Variants in FBXO25 observed in about 807,000 individuals in gnomAD.
The protein encoded by FBXO25 is F-box only protein 25.
A neutral mutation model predicts 51.9 loss-of-function variants in FBXO25; 45 were observed. The observed-to-expected ratio is 0.87, with a 90% CI of 0.68 to 1.11. The LOEUF (loss-of-function observed/expected upper bound fraction) is 1.11. FBXO25 is among the 50% of genes most tolerant of loss of function. FBXO25 has a pLI of 0.00. For missense variants in FBXO25, 507 were observed against 428.5 expected (o/e 1.18, Z -1.62); for synonymous variants, 199 against 151.0 (o/e 1.32, Z -2.33).
At position 474,791 on chromosome 8, in the gene FBXO25, A is replaced by G; in HGVS notation, c.*5987A>G. The G allele has an allele frequency of 2.2e-6, 1 of 454,204 alleles. No homozygotes were observed. The highest frequency in any genetic ancestry group is 4.4e-6 in the Non-Finnish European group (1 of 226,258). The allele number at this position is 454,204 out of a possible 1,614,324, so 28.1% of individuals were successfully genotyped here. A position where few individuals can be genotyped will look rare whatever the true frequency, so the allele number is the denominator to read the frequency against. On this transcript the variant is annotated 3_prime_UTR_variant, in exon 10 of 10. Coordinates refer to ENST00000350302, the MANE Select transcript of FBXO25 (RefSeq NM_183420.2). ...TAAAATACTTTGTCCCATTCCGTGG[A>G]TTGCCTTTCACTCTGTTTTGTTCTT...
rs760862328 is a variant in FBXO25, at chr8:413,138, A to G, written c.59A>G (p.Asp20Gly). The G allele has an allele frequency of 1.2e-6, 2 of 1,611,184 alleles. No homozygotes were observed. Among genetic ancestry groups the G allele is most frequent in the East Asian group, 2.2e-5 (1 of 44,708 alleles). Residue 20 changes from aspartate to glycine, a missense_variant, in exon 2 of 10, where the codon GAT (aspartate) becomes GGT (glycine). By Grantham distance (94) the Asp-to-Gly change is moderately conservative. Coordinates refer to ENST00000350302, the MANE Select transcript of FBXO25 (RefSeq NM_183420.2). ...SPGWSWIKTE[D>G]GWKRCESCSQ... Reference sequence around the variant, plus strand: ...GGATGGAGTTGGATTAAGACAGAAGATGGCTGGAAGAGATGTGAATCTTGT... The same window carrying G: ...GGATGGAGTTGGATTAAGACAGAAGGTGGCTGGAAGAGATGTGAATCTTGT...
intron 5 of FBXO25, among the ~76,000 whole-genome samples, chr8:442,019 C>T (rs943445757): frequency 6.6e-6 from 1 of 152,070 alleles, no homozygotes; most frequent in African/African-American, 2.4e-5. Context: ...AAAATAATGA[C>T]CTGGCAAATT....
chr8:447,312 C>T (rs1798800540), intron 5 of FBXO25, among the ~76,000 whole-genome samples: 2 of 152,078 alleles, frequency 1.3e-5, no homozygotes, highest in Admixed American at 6.5e-5. Context: ...GGAAGCTGCC[C>T]TTCCCCCAAC....
At chr8:414,845 G>T (rs147849067) in intron 2 of FBXO25, among the ~76,000 whole-genome samples, 2 of 152,116 alleles carry the variant, frequency 1.3e-5, no homozygotes, top group African/African-American at 4.8e-5. Flanking sequence ...ACCCCACCTA[G>T]TTGCTTTGCA....
intron 2 of FBXO25, among the ~76,000 whole-genome samples, chr8:426,238 T>G (rs752309859): frequency 6.6e-6 from 1 of 152,340 alleles, no homozygotes; most frequent in East Asian, 1.9e-4. Context: ...TCCTGGTCAC[T>G]GTACTTCCTG....
chr8:473,089 C>T lies in FBXO25; in HGVS notation c.*4285C>T, dbSNP rs1356534065. 6.6e-6 allele frequency: 1 copy of T among 152,480 alleles called. No homozygotes were observed. Among genetic ancestry groups the T allele is most frequent in the Non-Finnish European group, 1.5e-5 (1 of 68,220 alleles). 9.4% of individuals were successfully genotyped at this position (152,480 alleles called of 1,614,324 possible). On this transcript the variant is annotated 3_prime_UTR_variant, in exon 10 of 10. Coordinates refer to ENST00000350302, the MANE Select transcript of FBXO25 (RefSeq NM_183420.2). The stretch of plus-strand genomic sequence containing the variant: ...CTGACACCAGCATCCACCCTGCACT[C>T]ATATGTATCTCAACAGAATTGCTGC...
At position 469,201 on chromosome 8, in the gene FBXO25, C is replaced by T. The variant is rs141533847; in HGVS notation, c.*397C>T. The T allele has an allele frequency of 6.0e-6, 1 of 167,064 alleles. No homozygotes were observed. Among genetic ancestry groups the T allele is most frequent in the African/African-American group, 2.4e-5 (1 of 42,068 alleles). 10.3% of individuals were successfully genotyped at this position (167,064 alleles called of 1,614,324 possible). A position where few individuals can be genotyped will look rare whatever the true frequency, so the allele number is the denominator to read the frequency against. On this transcript the variant is annotated 3_prime_UTR_variant, in exon 10 of 10. Coordinates refer to ENST00000350302, the MANE Select transcript of FBXO25 (RefSeq NM_183420.2). ...TGGGAAACTAATTGGGGGTGGGTTA[C>T]AAAACATTTGATCCTTGTAAATACA...
chr8:407,302 G>A (rs1796211812), intron 1 of FBXO25: 1 of 962,514 alleles, frequency 1.0e-6, no homozygotes, highest in South Asian at 4.8e-5. Context: ...CGTCAGGTGG[G>A]GACGGGGTTG....
At chr8:408,457 G>T (rs559781776) in intron 1 of FBXO25, among the ~76,000 whole-genome samples, 2 of 152,194 alleles carry the variant, frequency 1.3e-5, no homozygotes, top group African/African-American at 2.4e-5. Flanking sequence ...TTGAATCCCA[G>T]CTCCACTGAA....
chr8:435,104 G>T (rs1266126882), intron 4 of FBXO25, among the ~76,000 whole-genome samples: 1 of 152,082 alleles, frequency 6.6e-6, no homozygotes, highest in Non-Finnish European at 1.5e-5. Flanking sequence ...TTCCAGCCTG[G>T]GCAGTGCATG....
chr8:462,641 AG>A, intron 8 of FBXO25, among the ~76,000 whole-genome samples: 1 of 152,334 alleles, frequency 6.6e-6, no homozygotes, highest in East Asian at 1.9e-4. Flanking sequence ...AAAATAACTT[AG>A]GAATGGAAAA....
chr8:451,163 G>A, intron 6 of FBXO25, 106 bp from the exon 7 acceptor site: 5 of 886,388 alleles, frequency 5.6e-6, no homozygotes, highest in South Asian at 3.6e-5. Context: ...ATCACACGTT[G>A]TTTGTCTGTT....
At chr8:420,904 C>T (rs183905883) in intron 2 of FBXO25, among the ~76,000 whole-genome samples, 2 of 152,336 alleles carry the variant, frequency 1.3e-5, no homozygotes, top group East Asian at 1.9e-4. Context: ...TCACTAAAAT[C>T]AACATAGATG....
chr8:432,915 C>A lies in FBXO25; in HGVS notation c.268C>A (p.His90Asn). The A allele has an allele frequency of 1.3e-6, 2 of 1,554,286 alleles. No individual in the cohort carries two copies. The highest frequency in any genetic ancestry group is 2.4e-5 in the East Asian group (1 of 41,950). ...TTATCGTGAAAAATGGATCTATGTCCATAAAGAAAGCACAAAGGAAGTAAG... is the reference window on the plus strand; with the variant it reads ...TTATCGTGAAAAATGGATCTATGTCAATAAAGAAAGCACAAAGGAAGTAAG... ...SFYREKWIYV[H>N]KESTKERHGY... Residue 90 changes from histidine (H) to asparagine (N), a missense_variant, in exon 4 of 10, where the codon CAT becomes AAT. His to Asn is a moderately conservative substitution (Grantham distance 68). Coordinates refer to ENST00000350302, the MANE Select transcript of FBXO25 (RefSeq NM_183420.2).
chr8:432,790 A>G, intron 3 of FBXO25, 96 bp from the exon 4 acceptor site: 1 of 1,344,152 alleles, frequency 7.4e-7, no homozygotes, highest in Non-Finnish European at 9.8e-7. Flanking sequence ...TAAGTCAGAT[A>G]ATTTTGTTAA....
intron 5 of FBXO25, among the ~76,000 whole-genome samples, chr8:439,637 A>G (rs1002927604): frequency 6.6e-6 from 1 of 152,068 alleles, no homozygotes; most frequent in African/African-American, 2.4e-5. Context: ...GGTCTCTCTT[A>G]TCTTTATTCA....
intron 2 of FBXO25, among the ~76,000 whole-genome samples, chr8:425,174 C>G (rs1585024012): frequency 6.6e-6 from 1 of 151,808 alleles, no homozygotes; most frequent in East Asian, 1.9e-4. Context: ...TACTTCATCT[C>G]CCCAAAAATA....
At chr8:416,630 A>G (rs2117456756) in intron 2 of FBXO25, among the ~76,000 whole-genome samples, 1 of 152,186 alleles carries the variant, frequency 6.6e-6, no homozygotes, top group East Asian at 1.9e-4. Flanking sequence ...TTCCTTGGAA[A>G]TGGAATGGGC....
chr8:452,356 G>A (rs1799150102), intron 7 of FBXO25, among the ~76,000 whole-genome samples: 1 of 152,224 alleles, frequency 6.6e-6, no homozygotes, highest in Non-Finnish European at 1.5e-5. Context: ...GTCTTGGTGT[G>A]ACCCTACAGT....
Sources: gnomAD v4.1 joint callset for allele counts (sites outside exome capture counted in the v4.1 genomes callset) on GRCh38, gnomAD v4.1.1 for gene constraint, MANE v1.5 for transcripts, NCBI Gene and HGNC (gene_info 2026-07-23, HGNC 2026-07-21) for gene names.